Variants in CLIP1 observed in about 807,000 individuals in gnomAD.
CLIP1 encodes the protein CAP-Gly domain containing linker protein 1.
In CLIP1, 66 loss-of-function variants were observed where a neutral mutation model predicts 161.6. The ratio of observed to expected loss-of-function variants is 0.41; its 90% CI spans 0.33 to 0.50. CLIP1 has a LOEUF of 0.50. Ranked by LOEUF, CLIP1 falls within the 20% of genes least tolerant of loss-of-function variation. CLIP1 has a pLI of 0.27. For missense variants in CLIP1, 1,376 were observed against 1,702.0 expected (o/e 0.81, Z 3.37); for synonymous variants, 598 against 626.2 (o/e 0.96, Z 0.67).
intron 1 of CLIP1, among the ~76,000 whole-genome samples, chr12:122,414,753 C>T (rs1224055445): frequency 6.6e-6 from 1 of 152,176 alleles, no homozygotes; most frequent in Non-Finnish European, 1.5e-5. Context: ...GCATGAGCCA[C>T]CACGCCCAGC....
Position 122,278,911 on chromosome 12 carries a change from G to A in CLIP1, c.3797C>T (p.Ala1266Val). 1 of 1,612,152 alleles carries A rather than the reference G, an allele frequency of 6.2e-7. No homozygotes were observed. The highest frequency in any genetic ancestry group is 8.5e-7 in the Non-Finnish European group (1 of 1,179,522). ...VTVLRGENAS[A>V]KSLHSVVQTL... ...CTGAACAACTGAATGCAAGGACTTG[G>A]CAGAGGCGTTTTCTCCCCTGAGCAC... Residue 1266 changes from alanine (A) to valine (V), a missense_variant, in exon 23 of 26, where the codon GCC becomes GTC. Ala to Val is a moderately conservative substitution (Grantham distance 64, BLOSUM62 0). This residue lies in a region of CLIP1 where 948 missense variants were observed against 1,134.8 expected (regional missense o/e 0.84). Coordinates refer to ENST00000620786, the MANE Select transcript of CLIP1 (RefSeq NM_001247997.2).
rs563881435 is a variant in CLIP1 at position 122,360,941 on chromosome 12, G to A, written c.1005+18C>T. 2 of 1,591,556 alleles carry A rather than the reference G, an allele frequency of 1.3e-6. No individual in the cohort carries two copies. Among genetic ancestry groups the A allele is most frequent in the Admixed American group, 1.7e-5 (1 of 58,446 alleles). ...CCTGCCTGGGAAGTGGAGGCAGGTA[G>A]TGAGAAAGGGGCCTTACTAGTCCTG... On this transcript the variant is annotated intron_variant, in intron 5 of 25. Transcript: ENST00000620786.
intron 20 of CLIP1, among the ~76,000 whole-genome samples, chr12:122,304,205 C>T (rs1639158331): frequency 6.6e-6 from 1 of 152,168 alleles, no homozygotes; most frequent in African/African-American, 2.4e-5. Flanking sequence ...CTACTCACTT[C>T]TTCAGTCTAA....
At chr12:122,374,389 G>A (rs1459629228) in intron 3 of CLIP1, among the ~76,000 whole-genome samples, 3 of 151,792 alleles carry the variant, frequency 2.0e-5, no homozygotes, top group Non-Finnish European at 4.4e-5. Flanking sequence ...GGGAGGCCGA[G>A]GCAGGCAGAT....
At chr12:122,405,306 G>A (rs1229831827) in intron 1 of CLIP1, among the ~76,000 whole-genome samples, 1 of 152,142 alleles carries the variant, frequency 6.6e-6, no homozygotes, top group East Asian at 1.9e-4. Flanking sequence ...AAGTCAGAAG[G>A]ATTCCAGGAG....
chr12:122,375,491 A>G (rs1954673741), intron 3 of CLIP1, among the ~76,000 whole-genome samples: 2 of 151,862 alleles, frequency 1.3e-5, no homozygotes, highest in African/African-American at 2.4e-5. Context: ...TAATTTTTGT[A>G]TTTTTAGTAG....
intron 3 of CLIP1, among the ~76,000 whole-genome samples, chr12:122,375,206 C>T (rs1954658119): frequency 6.6e-6 from 1 of 152,054 alleles, no homozygotes; most frequent in Non-Finnish European, 1.5e-5. Flanking sequence ...GAATGTAGAG[C>T]ATGTAGACCT....
intron 19 of CLIP1, among the ~76,000 whole-genome samples, chr12:122,313,734 CAAA>C (rs931449113): frequency 2.0e-5 from 3 of 151,138 alleles, no homozygotes; most frequent in East Asian, 1.9e-4. Context: ...ACAACAACAA[CAAA>C]AAAAAACTAT....
At chr12:122,343,093 T>C (rs922636930) in intron 10 of CLIP1, 2 of 151,268 alleles carry the variant, frequency 1.3e-5, no homozygotes, top group African/African-American at 4.9e-5. Context: ...ACATCACCTG[T>C]AGAATGAAAG....
intron 3 of CLIP1, among the ~76,000 whole-genome samples, chr12:122,375,873 A>G (rs539256809): frequency 2.0e-5 from 3 of 148,732 alleles, no homozygotes; most frequent in African/African-American, 5.0e-5. Context: ...AGTTCCCTGC[A>G]GCTTCCATCT....
chr12:122,300,105 A>C (rs539045425), intron 20 of CLIP1, among the ~76,000 whole-genome samples: 50 of 152,156 alleles, frequency 3.3e-4, no homozygotes, highest in Middle Eastern at 3.4e-3. Context: ...AAAAACAAAC[A>C]AACCAACCTG....
chr12:122,348,420 A>G (rs897824835), intron 9 of CLIP1, among the ~76,000 whole-genome samples: 2 of 152,196 alleles, frequency 1.3e-5, no homozygotes, highest in East Asian at 1.9e-4. Flanking sequence ...CTCAGACATA[A>G]AAACGCAACT....
Position 122,341,146 on chromosome 12 carries a change from A to G in CLIP1, c.2058T>C (p.Ala686=). Residue 686 remains alanine (A), a synonymous_variant, in exon 11 of 26, where the codon GCT becomes GCC. Transcript: ENST00000620786. ...NLQNQQDSER[A]AHAKEMEALR... The stretch of plus-strand genomic sequence containing the variant: ...AGGCTTCCATCTCTTTAGCATGGGC[A>G]GCCCGTTCAGAGTCTTGTTGATTCT... The G allele has an allele frequency of 6.2e-7, 1 of 1,614,210 alleles. No homozygotes were observed. Among genetic ancestry groups the G allele is most frequent in the Non-Finnish European group, 8.5e-7 (1 of 1,180,036 alleles).
intron 13 of CLIP1, among the ~76,000 whole-genome samples, chr12:122,334,388 A>G (rs1593094123): frequency 6.6e-6 from 1 of 152,218 alleles, no homozygotes; most frequent in Non-Finnish European, 1.5e-5. Flanking sequence ...AAAGCTATCA[A>G]TGATGAAAGC....
At chr12:122,411,968 G>C (rs943194570) in intron 1 of CLIP1, among the ~76,000 whole-genome samples, 5 of 151,672 alleles carry the variant, frequency 3.3e-5, no homozygotes, top group African/African-American at 4.9e-5. Flanking sequence ...AAACTGTATG[G>C]CATATGAATT....
intron 4 of CLIP1, among the ~76,000 whole-genome samples, 193 bp from the exon 5 acceptor site, chr12:122,361,374 AC>A (rs970283791): frequency 6.6e-6 from 1 of 152,246 alleles, no homozygotes; most frequent in Admixed American, 6.5e-5. Context: ...TTTAGAACAC[AC>A]ACTGGTGACA....
At chr12:122,292,306 A>G (rs1218767334) in intron 20 of CLIP1, among the ~76,000 whole-genome samples, 2 of 151,712 alleles carry the variant, frequency 1.3e-5, no homozygotes, top group East Asian at 1.9e-4. Context: ...CCTGGCTTCC[A>G]TTTATTTATT....
At chr12:122,333,959 C>T in intron 14 of CLIP1, 68 bp downstream of exon 14, 1 of 936,042 alleles carries the variant, frequency 1.1e-6, no homozygotes, top group Non-Finnish European at 1.7e-6. Flanking sequence ...ATGTAACATA[C>T]TACAACTGTC....
chr12:122,352,823 T>G, intron 7 of CLIP1, 37 bp from the exon 8 acceptor site: 1 of 1,531,518 alleles, frequency 6.5e-7, no homozygotes, highest in African/African-American at 1.4e-5. Context: ...CTTAAGAAAC[T>G]AAGTAACACA....
Sources: gnomAD v4.1 joint callset for allele counts (sites outside exome capture counted in the v4.1 genomes callset) on GRCh38, gnomAD v4.1.1 for gene constraint, gnomAD v4.1.1 regional missense constraint, MANE v1.5 for transcripts, NCBI Gene and HGNC (gene_info 2026-07-23, HGNC 2026-07-21) for gene names.